The following CPSF4 variants were observed in gnomAD, a reference collection of about 807,000 sequenced individuals.
CPSF4 encodes the protein cleavage and polyadenylation specific factor 4, also known as cleavage and polyadenylation specificity factor subunit 4.
Under a neutral mutation model 37.7 loss-of-function variants are expected in CPSF4, and 11 were observed. The ratio of observed to expected loss-of-function variants is 0.29; its 90% confidence interval spans 0.18 to 0.48. The LOEUF is 0.48. Among genes scored for constraint, CPSF4 ranks in the 20% least tolerant of loss-of-function variants. The pLI is 0.99. For synonymous variants in CPSF4, 132 were observed against 135.9 expected, an observed-to-expected ratio of 0.97 and a Z score of 0.20; for missense variants, 144 against 359.5, an observed-to-expected ratio of 0.40 and a Z score of 4.85.
Position 99,439,054 on chromosome 7 carries a change from G to A in CPSF4, c.-29G>A. 6.3e-7 allele frequency: 1 copy of A among 1,590,020 alleles called. No individual in the cohort carries two copies. The highest frequency in any genetic ancestry group is 8.6e-7 in the Non-Finnish European group (1 of 1,169,372). Reference sequence around the variant, plus strand: ...GAAGGCTGCAGGAGACCGAGGGGGAGCCGGGCCGGTGGGGCCGCCGCCGCC... The same window carrying A: ...GAAGGCTGCAGGAGACCGAGGGGGAACCGGGCCGGTGGGGCCGCCGCCGCC... On this transcript the variant is annotated 5_prime_UTR_variant, in exon 1 of 8. Coordinates refer to ENST00000292476, the MANE Select transcript of CPSF4 (RefSeq NM_006693.4).
intron 2 of CPSF4, among the ~76,000 whole-genome samples, chr7:99,445,248 T>G (rs1221564666): frequency 6.6e-6 from 1 of 152,240 alleles, no homozygotes; most frequent in Non-Finnish European, 1.5e-5. Context: ...AAACACCCCA[T>G]GATAACCCAT....
At chr7:99,454,239 C>T in intron 7 of CPSF4, 103 bp downstream of exon 7, 1 of 1,114,796 alleles carries the variant, frequency 9.0e-7, no homozygotes, top group Non-Finnish European at 1.3e-6. Flanking sequence ...TGAAAACATT[C>T]ATTTTTGCTG....
rs1798093444 is a variant in CPSF4 at position 99,453,729 on chromosome 7, T to C, written c.571-237T>C. On this transcript the variant is annotated intron_variant, in intron 6 of 7. Coordinates refer to ENST00000292476, the MANE Select transcript of CPSF4 (RefSeq NM_006693.4). This position sits in a 1 kb window ranked among gnomAD's most constrained non-coding sequence, Gnocchi z 4.7. The stretch of plus-strand genomic sequence containing the variant: ...GAGACCTCCTCTTGTCTCTTTGATG[T>C]TTTGTTTTCTATTTTATTTTTCGTT... 2 of 481,984 alleles carry C rather than the reference T, an allele frequency of 4.1e-6. No homozygotes were observed. Among genetic ancestry groups the C allele is most frequent in the East Asian group, 7.4e-5 (2 of 27,098 alleles). The allele number at this position is 481,984 out of a possible 1,614,324, so 29.9% of individuals were successfully genotyped here. A position where few individuals can be genotyped will look rare whatever the true frequency, so the allele number is the denominator to read the frequency against.
intron 1 of CPSF4, chr7:99,443,155 T>G (rs1480386566): frequency 1.0e-5 from 8 of 790,572 alleles, no homozygotes; most frequent in Non-Finnish European, 1.4e-5. Context: ...TGAGCAGCTT[T>G]CTTACTCTCC....
At chr7:99,440,475 A>T (rs1352488800) in intron 1 of CPSF4, among the ~76,000 whole-genome samples, 1 of 151,508 alleles carries the variant, frequency 6.6e-6, no homozygotes. Context: ...CAGTCTCCCA[A>T]GTAGCTGGGA....
At chr7:99,447,269 T>C (rs1376118156) in intron 2 of CPSF4, among the ~76,000 whole-genome samples, 1 of 149,922 alleles carries the variant, frequency 6.7e-6, no homozygotes, top group Non-Finnish European at 1.5e-5. Context: ...CTTTTTTTTT[T>C]TCTTTTTTTT....
chr7:99,446,602 T>A (rs1797512962), intron 2 of CPSF4, among the ~76,000 whole-genome samples: 1 of 149,610 alleles, frequency 6.7e-6, no homozygotes, highest in Non-Finnish European at 1.5e-5. Context: ...AATTGGTCTT[T>A]CCTTTTTTTT....
chr7:99,450,693 GCTCTGCAGGTCCC>G lies in CPSF4; in HGVS notation c.405_417del (p.Pro136ThrfsTer10). 2 of 1,607,722 alleles carry G rather than the reference GCTCTGCAGGTCCC, an allele frequency of 1.2e-6. No homozygotes were observed. The highest frequency in any genetic ancestry group is 1.3e-5 in the African/African-American group (1 of 74,952). ...GGACATCTAAGTGACCGGACACTTG[GCTCTGCAGGTCCC>G]CTCTGCAGGCACCGGCACACACGGA... On this transcript the variant is annotated splice_acceptor_variant and splice_polypyrimidine_tract_variant and coding_sequence_variant and intron_variant, in exon 5 of 8. Transcript: ENST00000292476. LOFTEE classifies it high-confidence loss of function.
Position 99,457,002 on chromosome 7 carries a change from GC to G in CPSF4, c.*507del, listed in dbSNP as rs1169761125. 3.9e-6 allele frequency: 1 copy of G among 256,584 alleles called. No homozygotes were observed. Among genetic ancestry groups the G allele is most frequent in the African/African-American group, 2.2e-5 (1 of 45,286 alleles). The allele number at this position is 256,584 out of a possible 1,614,324, so 15.9% of individuals were successfully genotyped here. A position where few individuals can be genotyped will look rare whatever the true frequency, so the allele number is the denominator to read the frequency against. On this transcript the variant is annotated 3_prime_UTR_variant, in exon 8 of 8. Transcript: ENST00000292476. ...GGAGCCCTTTGGGGCAAATTCAGGT[GC>G]CCCCATTGCCTCAGGCTGGCCCTGG...
rs150949730 is a variant in CPSF4 at position 99,456,102 on chromosome 7, G to A, written c.742-330G>A. Among the ~76,000 whole-genome samples the A allele has an allele frequency of 4.7e-3, 717 of 152,346 alleles. 3 individuals are homozygous for A. The highest frequency in any genetic ancestry group is 0.016 in the African/African-American group (663 of 41,578). ...TTCTCTTTGTCCTGCTACCCACTTG[G>A]GAGTCCCTCCCTGGGCAGGCCATGT... On this transcript the variant is annotated intron_variant, in intron 7 of 7. Transcript: ENST00000292476.
At chr7:99,439,880 C>T (rs766477497) in intron 1 of CPSF4, among the ~76,000 whole-genome samples, 12 of 152,128 alleles carry the variant, frequency 7.9e-5, no homozygotes, top group Non-Finnish European at 1.5e-4. Context: ...TGGCCCGTCC[C>T]TACTTTTTTC....
chr7:99,439,243 C>T, intron 1 of CPSF4, 58 bp downstream of exon 1: 4 of 1,313,762 alleles, frequency 3.0e-6, no homozygotes, highest in South Asian at 2.6e-5. Context: ...ACCCGCTCCT[C>T]TGTGATCCCG....
intron 5 of CPSF4, among the ~76,000 whole-genome samples, chr7:99,452,037 A>C (rs543627040): frequency 6.6e-6 from 1 of 152,164 alleles, no homozygotes; most frequent in East Asian, 1.9e-4. Context: ...CCCTGTGTAC[A>C]GCTCCTGTGG....
intron 1 of CPSF4, among the ~76,000 whole-genome samples, chr7:99,443,654 C>T (rs1455610214): frequency 6.6e-6 from 1 of 152,090 alleles, no homozygotes; most frequent in Non-Finnish European, 1.5e-5. Context: ...TGTGGTGGCT[C>T]ACGTCTATAA....
At chr7:99,439,276 A>G in intron 1 of CPSF4, 91 bp downstream of exon 1, 1 of 923,996 alleles carries the variant, frequency 1.1e-6, no homozygotes, top group Non-Finnish European at 1.6e-6. Context: ...CTCGGTCCTG[A>G]GACCTCCCCC....
Position 99,456,764 on chromosome 7 carries a change from C to A in CPSF4, c.*264C>A. On this transcript the variant is annotated 3_prime_UTR_variant, in exon 8 of 8. Coordinates refer to ENST00000292476, the MANE Select transcript of CPSF4 (RefSeq NM_006693.4). The stretch of plus-strand genomic sequence containing the variant: ...TGCCTCCTTTCTGGGACTCCCGGCA[C>A]AACTCCCCTCATCCAGGGAGGGAGG... 1 of 542,548 alleles carries A rather than the reference C, an allele frequency of 1.8e-6. No individual in the cohort carries two copies. The highest frequency in any genetic ancestry group is 3.4e-6 in the Non-Finnish European group (1 of 293,196). The allele number at this position is 542,548 out of a possible 1,614,324, so 33.6% of individuals were successfully genotyped here.
intron 4 of CPSF4, 117 bp from the exon 5 acceptor site, chr7:99,450,585 G>T: frequency 1.1e-6 from 1 of 895,860 alleles, no homozygotes. Context: ...CCAGTGTTGG[G>T]AGGTGAGGTC....
At position 99,438,987 on chromosome 7, in the gene CPSF4, A is replaced by AG; in HGVS notation, c.-94dup. On this transcript the variant is annotated 5_prime_UTR_variant, in exon 1 of 8. Coordinates refer to ENST00000292476, the MANE Select transcript of CPSF4 (RefSeq NM_006693.4). ...CGGCGGCGGCGGCGAGGCGAAGCGA[A>AG]GGAGGAGTGTGTGCGGCGGGGCCGG... The AG allele has an allele frequency of 7.4e-7, 1 of 1,346,804 alleles. No individual in the cohort carries two copies. The allele number at this position is 1,346,804 out of a possible 1,614,324, so 83.4% of individuals were successfully genotyped here.
chr7:99,445,572 C>T (rs970850316), intron 2 of CPSF4, among the ~76,000 whole-genome samples: 1 of 152,246 alleles, frequency 6.6e-6, no homozygotes, highest in South Asian at 2.1e-4. Flanking sequence ...TGTATGTGGG[C>T]CGGGCTAATC....
Sources: allele counts gnomAD v4.1 joint callset (sites outside exome capture counted in the v4.1 genomes callset), GRCh38; gene constraint gnomAD v4.1.1; non-coding constraint Gnocchi (gnomAD v3.1); transcripts MANE v1.5; gene names NCBI Gene and HGNC (gene_info 2026-07-23, HGNC 2026-07-21).